CPM: variants seen among roughly 807,000 people sequenced by gnomAD.
CPM encodes renal carboxypeptidase.
A neutral mutation model predicts 46.4 loss-of-function variants in CPM; 35 were observed. The observed-to-expected ratio is 0.75, with a 90% CI of 0.58 to 1.00. The LOEUF (loss-of-function observed/expected upper bound fraction) is 1.00. Among genes scored for constraint, CPM ranks in the 50% least tolerant of loss-of-function variants. The pLI is 0.00. For missense variants in CPM, 422 were observed against 530.4 expected, an observed-to-expected ratio of 0.80 and a Z score of 2.01; for synonymous variants, 195 against 195.3, an observed-to-expected ratio of 1.00 and a Z score of 0.01.
intron 2 of CPM, among the ~76,000 whole-genome samples, chr12:68,929,217 ATT>A (rs984273990): frequency 9.2e-5 from 14 of 152,282 alleles, no homozygotes; most frequent in African/African-American, 3.4e-4. Context: ...CAGTAAATAC[ATT>A]TGTATTTGAA....
chr12:68,944,682 G>A (rs1293813075), intron 1 of CPM, among the ~76,000 whole-genome samples: 1 of 151,530 alleles, frequency 6.6e-6, no homozygotes, highest in Non-Finnish European at 1.5e-5. Flanking sequence ...TGATAGGCAT[G>A]AGACACCATG....
intron 2 of CPM, among the ~76,000 whole-genome samples, chr12:68,902,384 C>T (rs1197453056): frequency 1.3e-5 from 2 of 152,172 alleles, no homozygotes; most frequent in East Asian, 3.8e-4. Context: ...AAATTATCAA[C>T]AGATTTCTTC....
chr12:68,842,717 C>T (rs1319367167), intron 5 of CPM: 3 of 195,590 alleles, frequency 1.5e-5, no homozygotes, highest in African/African-American at 7.0e-5. Context: ...ATTTTCTTTG[C>T]AGTAAAATAT....
chr12:68,851,826 TTAAC>T lies in CPM; in HGVS notation c.*4607_*4610del, dbSNP rs1423283980. The T allele has an allele frequency of 6.6e-6, 1 of 152,220 alleles. No individual in the cohort carries two copies. Among genetic ancestry groups the T allele is most frequent in the South Asian group, 2.1e-4 (1 of 4,838 alleles). 9.4% of individuals were successfully genotyped at this position (152,220 alleles called of 1,614,324 possible). On this transcript the variant is annotated 3_prime_UTR_variant, in exon 9 of 9. Coordinates refer to ENST00000551568, the MANE Select transcript of CPM (RefSeq NM_198320.5). ...CAGTACTGTGGACTTTCAATGCTCTTTAACTAGTCTGGTCATCATAATTTTCTCC... is the reference window on the plus strand; with the variant it reads ...CAGTACTGTGGACTTTCAATGCTCTTTAGTCTGGTCATCATAATTTTCTCC...
intron 1 of CPM, among the ~76,000 whole-genome samples, chr12:68,952,134 CTACT>C (rs1424863514): frequency 6.6e-6 from 1 of 152,170 alleles, no homozygotes; most frequent in Non-Finnish European, 1.5e-5. Context: ...AGCATCAATG[CTACT>C]TAAAGATTGC....
At chr12:68,863,435 C>T (rs1420721407) in intron 7 of CPM, among the ~76,000 whole-genome samples, 2 of 152,068 alleles carry the variant, frequency 1.3e-5, no homozygotes, top group Non-Finnish European at 2.9e-5. Context: ...TAATGTCTGC[C>T]GACACCCTCA....
At chr12:68,945,846 C>CTTT (rs1170064808) in intron 1 of CPM, among the ~76,000 whole-genome samples, 448 of 88,458 alleles carry the variant, frequency 5.1e-3, no homozygotes, top group East Asian at 6.8e-3. Flanking sequence ...TTCTTTCTTT[C>CTTT]TTTTTTTTTT....
intron 2 of CPM, among the ~76,000 whole-genome samples, chr12:68,923,587 A>T (rs1206189022): frequency 6.6e-6 from 1 of 152,204 alleles, no homozygotes; most frequent in Non-Finnish European, 1.5e-5. Context: ...CAATTCTAAC[A>T]CATTTACATA....
intron 2 of CPM, among the ~76,000 whole-genome samples, chr12:68,908,911 G>A (rs1054023502): frequency 6.6e-6 from 1 of 152,200 alleles, no homozygotes; most frequent in African/African-American, 2.4e-5. Flanking sequence ...CAGGCAAATG[G>A]CATGAGGAAA....
At chr12:68,945,820 A>AT (rs1243748969) in intron 1 of CPM, among the ~76,000 whole-genome samples, 2 of 139,186 alleles carry the variant, frequency 1.4e-5, no homozygotes, top group Admixed American at 1.4e-4. Flanking sequence ...CAAGGCTAGA[A>AT]TTTTTTTCTT....
chr12:68,936,443 G>A (rs1425720673), upstream of CPM, among the ~76,000 whole-genome samples: 7 of 152,036 alleles, frequency 4.6e-5, no homozygotes, highest in Admixed American at 4.6e-4. Flanking sequence ...GAGTGCAGTG[G>A]CACAATTTTA....
intron 2 of CPM, among the ~76,000 whole-genome samples, chr12:68,887,387 AC>A (rs959587122): frequency 4.6e-5 from 7 of 152,202 alleles, no homozygotes; most frequent in African/African-American, 1.7e-4. Flanking sequence ...CAGGAGTCCC[AC>A]AGACTGGGGA....
intron 1 of CPM, among the ~76,000 whole-genome samples, chr12:68,960,936 A>G (rs1889101204): frequency 6.6e-6 from 1 of 152,122 alleles, no homozygotes; most frequent in South Asian, 2.1e-4. Context: ...AACAACTGAG[A>G]GTTGATTTTT....
intron 2 of CPM, among the ~76,000 whole-genome samples, chr12:68,897,732 G>C (rs867730613): frequency 3.5e-5 from 3 of 84,894 alleles, no homozygotes; most frequent in Non-Finnish European, 6.8e-5. Context: ...GCGAGACTCC[G>C]TTTCAAAAAA....
At chr12:68,905,257 G>T (rs973589009) in intron 2 of CPM, among the ~76,000 whole-genome samples, 5 of 151,942 alleles carry the variant, frequency 3.3e-5, no homozygotes, top group African/African-American at 9.7e-5. Context: ...GCATGAGAAG[G>T]ATTCAGAGAA....
intron 1 of CPM, among the ~76,000 whole-genome samples, chr12:68,944,962 T>C (rs1005550068): frequency 2.0e-5 from 3 of 151,950 alleles, no homozygotes; most frequent in Non-Finnish European, 4.4e-5. Context: ...GAGTCATGAG[T>C]CATGAGTCCA....
chr12:68,953,323 T>C (rs1888965214), intron 1 of CPM, among the ~76,000 whole-genome samples: 2 of 152,150 alleles, frequency 1.3e-5, no homozygotes, highest in Admixed American at 1.3e-4. Flanking sequence ...CAGCAGCAGT[T>C]CTTTCATATT....
At chr12:68,860,929 G>A (rs1466688150) in intron 7 of CPM, among the ~76,000 whole-genome samples, 7 of 151,558 alleles carry the variant, frequency 4.6e-5, no homozygotes, top group African/African-American at 1.7e-4. Flanking sequence ...CACCCAGGCT[G>A]GAGTGCAGTG....
chr12:68,948,718 C>T (rs1472327838), intron 1 of CPM, among the ~76,000 whole-genome samples: 2 of 152,174 alleles, frequency 1.3e-5, no homozygotes, highest in African/African-American at 4.8e-5. Flanking sequence ...CGAGAAATTG[C>T]AATTAAGGGT....
Sources: allele counts gnomAD v4.1 joint callset (sites outside exome capture counted in the v4.1 genomes callset), GRCh38; gene constraint gnomAD v4.1.1; transcripts MANE v1.5; gene names NCBI Gene and HGNC (gene_info 2026-07-23, HGNC 2026-07-21).